USH2A: variants seen among roughly 807,000 people sequenced by gnomAD.
The protein encoded by USH2A is Usher syndrome 2A (autosomal recessive, mild).
USH2A carries 443 observed loss-of-function variants against 538.9 expected under a neutral mutation model. That is an observed-to-expected ratio of 0.82 (90% CI 0.76 to 0.89). The LOEUF (loss-of-function observed/expected upper bound fraction) is 0.89. Ranked by LOEUF, USH2A falls within the 40% of genes least tolerant of loss-of-function variation. The pLI is 0.00. For synonymous variants in USH2A, 2,413 were observed against 2,273.5 expected (o/e 1.06, Z -1.75); for missense variants, 6,633 against 6,324.8 (o/e 1.05, Z -1.65).
intron 4 of USH2A, among the ~76,000 whole-genome samples, chr1:216,356,811 A>G (rs1364303914): frequency 6.6e-6 from 1 of 152,076 alleles, no homozygotes; most frequent in African/African-American, 2.4e-5. Context: ...GTCTAATTAT[A>G]TTCTCGAGAT....
intron 3 of USH2A, among the ~76,000 whole-genome samples, chr1:216,403,110 G>C (rs1368711459): frequency 6.6e-6 from 1 of 152,056 alleles, no homozygotes; most frequent in Non-Finnish European, 1.5e-5. Flanking sequence ...TTTATTTCAG[G>C]TATGTAAGGT....
At chr1:216,129,813 C>G (rs1360884682) in intron 21 of USH2A, among the ~76,000 whole-genome samples, 1 of 152,034 alleles carries the variant, frequency 6.6e-6, no homozygotes, top group African/African-American at 2.4e-5. Flanking sequence ...AATTATACTA[C>G]ACAGCTATAG....
intron 21 of USH2A, among the ~76,000 whole-genome samples, chr1:216,114,767 A>C (rs1479786331): frequency 6.6e-6 from 1 of 152,294 alleles, no homozygotes; most frequent in African/African-American, 2.4e-5. Flanking sequence ...CCAACACGTC[A>C]AATATGAAAT....
Position 215,900,055 on chromosome 1 carries a change from G to A in USH2A, c.7594+20C>T. ...CCCTATGTAGAAGACATTTGGCTGT[G>A]TATTGTTCAGACCACTTACTGTCCT... On this transcript the variant is annotated intron_variant, in intron 40 of 71. Coordinates refer to ENST00000307340, the MANE Select transcript of USH2A (RefSeq NM_206933.4). 2 of 1,613,440 alleles carry A rather than the reference G, an allele frequency of 1.2e-6. No individual in the cohort carries two copies. Among genetic ancestry groups the A allele is most frequent in the South Asian group, 1.1e-5 (1 of 91,084 alleles).
At chr1:216,004,733 G>C (rs1480589870) in intron 32 of USH2A, among the ~76,000 whole-genome samples, 2 of 152,142 alleles carry the variant, frequency 1.3e-5, no homozygotes, top group African/African-American at 4.8e-5. Flanking sequence ...GTATGTGATG[G>C]GATGACCCAC....
At chr1:216,302,132 G>T (rs551025331) in intron 9 of USH2A, among the ~76,000 whole-genome samples, 27 of 152,340 alleles carry the variant, frequency 1.8e-4, no homozygotes, top group African/African-American at 6.5e-4. Flanking sequence ...TATTATCAGT[G>T]ATAGATTTCA....
At chr1:215,887,182 C>T (rs1442951372) in intron 41 of USH2A, among the ~76,000 whole-genome samples, 2 of 151,800 alleles carry the variant, frequency 1.3e-5, no homozygotes, top group Non-Finnish European at 2.9e-5. Flanking sequence ...TTTTTCAGAT[C>T]GGCCACAATC....
chr1:216,296,743 A>G (rs1386686968), intron 9 of USH2A, among the ~76,000 whole-genome samples: 1 of 152,082 alleles, frequency 6.6e-6, no homozygotes, highest in African/African-American at 2.4e-5. Flanking sequence ...AATATGTGGC[A>G]ACCATTAAAA....
Position 216,071,422 on chromosome 1 carries a change from C to T in USH2A, c.5858-1130G>A, listed in dbSNP as rs149455960. ...GGGAGTGACGCTGATTTTATTAGTT[C>T]GGAAATGTGGTACAGGGCAAAGTAC... On this transcript the variant is annotated intron_variant, in intron 29 of 71. Transcript: ENST00000307340. Among the ~76,000 whole-genome samples, 111 of 152,196 alleles carry T rather than the reference C, an allele frequency of 7.3e-4. 1 individual carries two copies. The East Asian group carries it at 0.019, about 26-fold the overall frequency.
chr1:215,705,720 G>A (rs921581346), intron 61 of USH2A, among the ~76,000 whole-genome samples: 1 of 152,180 alleles, frequency 6.6e-6, no homozygotes, highest in South Asian at 2.1e-4. Flanking sequence ...AAAGATGGTA[G>A]GGGGCAGCCA....
intron 34 of USH2A, among the ~76,000 whole-genome samples, chr1:215,996,055 C>A (rs2102479324): frequency 6.6e-6 from 1 of 152,210 alleles, no homozygotes; most frequent in South Asian, 2.1e-4. Flanking sequence ...GGATTATATG[C>A]TTGCAGCACC....
intron 32 of USH2A, among the ~76,000 whole-genome samples, chr1:216,036,784 C>T (rs2030000076): frequency 6.6e-6 from 1 of 151,914 alleles, no homozygotes; most frequent in Non-Finnish European, 1.5e-5. Flanking sequence ...TAACAACTAA[C>T]AACATCTTAG....
At chr1:216,044,285 T>C (rs1254652191) in intron 32 of USH2A, among the ~76,000 whole-genome samples, 2 of 152,138 alleles carry the variant, frequency 1.3e-5, no homozygotes, top group Non-Finnish European at 2.9e-5. Flanking sequence ...GTTCTAAAAG[T>C]TATGATATCC....
intron 38 of USH2A, among the ~76,000 whole-genome samples, chr1:215,915,857 A>T (rs376230298): frequency 1.3e-3 from 191 of 152,126 alleles, no homozygotes; most frequent in African/African-American, 4.0e-3. Flanking sequence ...CTATGCAGCC[A>T]TAAAAAAGGA....
At chr1:215,939,706 T>G (rs1666589571) in intron 37 of USH2A, among the ~76,000 whole-genome samples, 1 of 152,134 alleles carries the variant, frequency 6.6e-6, no homozygotes, top group Admixed American at 6.6e-5. Context: ...TAAATGGGTA[T>G]CCTTTCCTAT....
intron 24 of USH2A, chr1:216,085,226 A>G (rs1039472353): frequency 3.7e-6 from 1 of 273,528 alleles, no homozygotes; most frequent in African/African-American, 2.2e-5. Context: ...ATTGGAAGGG[A>G]GTGTTTCTAT....
intron 22 of USH2A, among the ~76,000 whole-genome samples, chr1:216,096,563 T>A (rs1415104600): frequency 6.6e-6 from 1 of 152,234 alleles, no homozygotes; most frequent in Non-Finnish European, 1.5e-5. Flanking sequence ...ATCCTAAATC[T>A]TTATTTTGAT....
intron 46 of USH2A, among the ~76,000 whole-genome samples, chr1:215,843,034 A>G (rs1422499427): frequency 6.6e-6 from 1 of 152,166 alleles, no homozygotes; most frequent in Non-Finnish European, 1.5e-5. Flanking sequence ...TTATTCAAAG[A>G]TATTTTTATT....
intron 3 of USH2A, among the ~76,000 whole-genome samples, chr1:216,377,909 GAA>G (rs1385488672): frequency 1.3e-5 from 2 of 151,300 alleles, no homozygotes; most frequent in Non-Finnish European, 1.5e-5. Context: ...GAAAGAGAAA[GAA>G]AGAGAAAGAA....
Sources: allele counts gnomAD v4.1 joint callset (sites outside exome capture counted in the v4.1 genomes callset), GRCh38; gene constraint gnomAD v4.1.1; transcripts MANE v1.5; gene names NCBI Gene and HGNC (gene_info 2026-07-23, HGNC 2026-07-21).